Variants in UBE4B observed in about 807,000 individuals in gnomAD.
The protein encoded by UBE4B is ubiquitin conjugation factor E4 B.
A neutral mutation model predicts 148.1 loss-of-function variants in UBE4B; 27 were observed. The ratio of observed to expected loss-of-function variants is 0.18; its 90% confidence interval spans 0.13 to 0.25. The LOEUF (loss-of-function observed/expected upper bound fraction) is 0.25, where lower values mean the gene tolerates loss of function less well. UBE4B is among the 10% of genes least tolerant of loss of function. The pLI is 1.00. For synonymous variants in UBE4B, 596 were observed against 619.3 expected (o/e 0.96, Z 0.56); for missense variants, 1,170 against 1,662.4 (o/e 0.70, Z 5.15).
intron 19 of UBE4B, among the ~76,000 whole-genome samples, chr1:10,147,417 C>T (rs866962724): frequency 6.6e-6 from 1 of 151,970 alleles, no homozygotes; most frequent in South Asian, 2.1e-4. Flanking sequence ...CGTTTGAACC[C>T]GGGAGGCGGA....
At chr1:10,105,086 C>G (rs1257367689) in intron 5 of UBE4B, among the ~76,000 whole-genome samples, 1 of 152,146 alleles carries the variant, frequency 6.6e-6, no homozygotes, top group Non-Finnish European at 1.5e-5. Flanking sequence ...TAAAACATAT[C>G]TAGACTAAGA....
chr1:10,061,996 G>A (rs143623070), intron 1 of UBE4B, among the ~76,000 whole-genome samples: 9 of 146,174 alleles, frequency 6.2e-5, no homozygotes, highest in East Asian at 2.1e-4. Context: ...TGCAACCTCC[G>A]CCTCCTGGGT....
intron 15 of UBE4B, among the ~76,000 whole-genome samples, chr1:10,133,885 A>T (rs1645635539): frequency 6.6e-6 from 1 of 151,966 alleles, no homozygotes; most frequent in Admixed American, 6.6e-5. Flanking sequence ...CCCTGTCTCT[A>T]CAAAAAAAAT....
At chr1:10,148,622 A>G (rs1645918129) in intron 19 of UBE4B, among the ~76,000 whole-genome samples, 1 of 136,356 alleles carries the variant, frequency 7.3e-6, no homozygotes, top group Non-Finnish European at 1.5e-5. Flanking sequence ...ACAGGGTGAG[A>G]CTCTGTCTCA....
chr1:10,045,430 G>A (rs547307403), intron 1 of UBE4B, among the ~76,000 whole-genome samples: 3 of 152,250 alleles, frequency 2.0e-5, no homozygotes, highest in Admixed American at 6.5e-5. Context: ...ATGAGAGCCT[G>A]GTGTAACTGA....
intron 23 of UBE4B, among the ~76,000 whole-genome samples, chr1:10,167,702 C>T (rs1210544187): frequency 1.3e-5 from 2 of 150,190 alleles, no homozygotes; most frequent in Admixed American, 6.7e-5. Flanking sequence ...AAGCAGTTCT[C>T]CTGCCTCAGC....
intron 7 of UBE4B, among the ~76,000 whole-genome samples, chr1:10,111,548 C>T (rs750948800): frequency 6.6e-6 from 1 of 152,156 alleles, no homozygotes; most frequent in African/African-American, 2.4e-5. Context: ...CGCCTGGTTC[C>T]GTGCACTATT....
At chr1:10,058,100 T>A (rs1215570028) in intron 1 of UBE4B, among the ~76,000 whole-genome samples, 3 of 152,190 alleles carry the variant, frequency 2.0e-5, no homozygotes, top group Admixed American at 6.5e-5. Flanking sequence ...GATCCCCTTC[T>A]AGAGGTGACG....
At chr1:10,061,912 C>CTT (rs767477329) in intron 1 of UBE4B, among the ~76,000 whole-genome samples, 25 of 138,264 alleles carry the variant, frequency 1.8e-4, no homozygotes, top group Admixed American at 8.0e-4. Context: ...CTTCTTTTTT[C>CTT]TTTTTTTTTT....
intron 23 of UBE4B, among the ~76,000 whole-genome samples, chr1:10,167,256 A>T (rs1039380183): frequency 6.6e-6 from 1 of 151,938 alleles, no homozygotes; most frequent in Middle Eastern, 3.2e-3. Context: ...CCTGACCAAC[A>T]TGGAGAAACC....
chr1:10,150,604 GTAATCC>G (rs1388845262), intron 20 of UBE4B, among the ~76,000 whole-genome samples: 2 of 152,200 alleles, frequency 1.3e-5, no homozygotes, highest in Non-Finnish European at 2.9e-5. Flanking sequence ...GCTCATGCCT[GTAATCC>G]CAGCACTTTG....
chr1:10,098,851 A>G (rs1166373345), intron 3 of UBE4B, among the ~76,000 whole-genome samples: 1 of 152,252 alleles, frequency 6.6e-6, no homozygotes, highest in African/African-American at 2.4e-5. Context: ...AATAAGAACA[A>G]GGATGACTGC....
At chr1:10,035,712 A>G (rs552639764) in intron 1 of UBE4B, among the ~76,000 whole-genome samples, 17 of 138,120 alleles carry the variant, frequency 1.2e-4, no homozygotes, top group Non-Finnish European at 2.2e-4. Flanking sequence ...GGCCAGAGAT[A>G]GTTTTTTTAT....
At chr1:10,072,323 TC>T (rs1027333349) in intron 2 of UBE4B, 109 bp downstream of exon 2, 127 of 1,297,150 alleles carry the variant, frequency 9.8e-5, no homozygotes, top group Non-Finnish European at 1.3e-4. Context: ...AGACATCAGC[TC>T]TTTAAAATCC....
intron 18 of UBE4B, 135 bp from the exon 19 acceptor site, chr1:10,146,828 A>G: frequency 9.4e-7 from 1 of 1,068,520 alleles, no homozygotes; most frequent in East Asian, 2.5e-5. Flanking sequence ...AGCATCTTAT[A>G]GCTAGTTAGG....
At chr1:10,063,797 A>G (rs1277146386) in intron 1 of UBE4B, among the ~76,000 whole-genome samples, 1 of 151,822 alleles carries the variant, frequency 6.6e-6, no homozygotes, top group Non-Finnish European at 1.5e-5. Context: ...AATCCCAGCC[A>G]CTCAGGAGGC....
At chr1:10,066,916 C>G (rs961302805) in intron 1 of UBE4B, among the ~76,000 whole-genome samples, 7 of 151,882 alleles carry the variant, frequency 4.6e-5, no homozygotes, top group African/African-American at 1.5e-4. Flanking sequence ...AAAAAAAAAC[C>G]AAAACAGAAC....
At chr1:10,179,779 G>A (rs775891937) in intron 27 of UBE4B, 116 bp from the exon 28 acceptor site, 33 of 1,425,216 alleles carry the variant, frequency 2.3e-5, no homozygotes, top group East Asian at 4.6e-5. Context: ...TGGAGTCTTC[G>A]GCTCAATGAG....
intron 11 of UBE4B, among the ~76,000 whole-genome samples, chr1:10,127,947 A>T (rs1335448294): frequency 1.3e-5 from 2 of 152,262 alleles, no homozygotes; most frequent in Non-Finnish European, 1.5e-5. Flanking sequence ...ATGCTGGGAA[A>T]TTAGAAGGTG....
Sources: gnomAD v4.1 joint callset for allele counts (sites outside exome capture counted in the v4.1 genomes callset) on GRCh38, gnomAD v4.1.1 for gene constraint, MANE v1.5 for transcripts, NCBI Gene and HGNC (gene_info 2026-07-23, HGNC 2026-07-21) for gene names.